Variants in RNF11 observed in about 807,000 individuals in gnomAD.
RNF11 encodes ring finger protein 11.
In RNF11, 4 loss-of-function variants were observed where a neutral mutation model predicts 15.8. The ratio of observed to expected loss-of-function variants is 0.25; its 90% CI spans 0.12 to 0.58. RNF11 has a LOEUF of 0.58. RNF11 is among the 20% of genes least tolerant of loss of function. The pLI is 0.91. For missense variants in RNF11, 139 were observed against 194.4 expected, an observed-to-expected ratio of 0.71 and a Z score of 1.70; for synonymous variants, 68 against 72.3, an observed-to-expected ratio of 0.94 and a Z score of 0.30.
At chr1:51,263,700 G>C (rs1162474806) in intron 1 of RNF11, among the ~76,000 whole-genome samples, 2 of 152,126 alleles carry the variant, frequency 1.3e-5, no homozygotes, top group Non-Finnish European at 2.9e-5. Context: ...CAAATCTATA[G>C]AGACAAAAAG....
chr1:51,257,777 C>T (rs1234007924), intron 1 of RNF11, among the ~76,000 whole-genome samples: 2 of 150,406 alleles, frequency 1.3e-5, no homozygotes, highest in African/African-American at 4.9e-5. Flanking sequence ...TAATAATAGC[C>T]ATTCTGACTG....
chr1:51,271,323 G>A lies in RNF11; in HGVS notation c.*1G>A, dbSNP rs1157833864. On this transcript the variant is annotated 3_prime_UTR_variant, in exon 3 of 3. Coordinates refer to ENST00000242719, the MANE Select transcript of RNF11 (RefSeq NM_014372.5). ...GCTTTCATCCTATGAGACTAATTGA[G>A]CCAGGGTCTCTTATCTGACTTCAAG... The A allele has an allele frequency of 1.2e-6, 2 of 1,608,074 alleles. No homozygotes were observed. Among genetic ancestry groups the A allele is most frequent in the East Asian group, 2.2e-5 (1 of 44,854 alleles).
At chr1:51,245,642 G>T (rs1646848337) in intron 1 of RNF11, among the ~76,000 whole-genome samples, 1 of 151,936 alleles carries the variant, frequency 6.6e-6, no homozygotes, top group Admixed American at 6.6e-5. Context: ...TAGTAGAGAT[G>T]GGGTTTCACC....
At position 51,271,445 on chromosome 1, in the gene RNF11, C is replaced by G; in HGVS notation, c.*123C>G. 1.4e-6 allele frequency: 1 copy of G among 722,250 alleles called. No homozygotes were observed. Among genetic ancestry groups the G allele is most frequent in the East Asian group, 2.7e-5 (1 of 36,716 alleles). The allele number at this position is 722,250 out of a possible 1,614,324, so 44.7% of individuals were successfully genotyped here. On this transcript the variant is annotated 3_prime_UTR_variant, in exon 3 of 3. Coordinates refer to ENST00000242719, the MANE Select transcript of RNF11 (RefSeq NM_014372.5). The stretch of plus-strand genomic sequence containing the variant: ...GTGCACAAAAGTTTCCTTAAAATTC[C>G]TGGATGGCTGCAGATGTTGGGGGAA...
intron 1 of RNF11, among the ~76,000 whole-genome samples, chr1:51,262,526 A>C (rs781722190): frequency 3.9e-5 from 6 of 152,064 alleles, no homozygotes; most frequent in Non-Finnish European, 7.4e-5. Flanking sequence ...CATAGGATGC[A>C]AGAAAATATT....
chr1:51,241,025 C>T (rs1168562319), intron 1 of RNF11, among the ~76,000 whole-genome samples: 1 of 152,172 alleles, frequency 6.6e-6, no homozygotes, highest in East Asian at 1.9e-4. Flanking sequence ...CCATGTTGAC[C>T]AGGCTGGTCT....
intron 1 of RNF11, among the ~76,000 whole-genome samples, chr1:51,258,369 A>C (rs1646914963): frequency 6.6e-6 from 1 of 152,212 alleles, no homozygotes; most frequent in Non-Finnish European, 1.5e-5. Context: ...GGAGAAATGC[A>C]TTTAAACAAT....
In RNF11 at chr1:51,271,367, G is replaced by T. The variant is rs751206505; in HGVS notation, c.*45G>T. On this transcript the variant is annotated 3_prime_UTR_variant, in exon 3 of 3. Transcript: ENST00000242719. ...CTTCAAGTGAACCACCATTTTGGTG[G>T]TTTTGATCTTTTGTCACTGAGCCCA... The T allele has an allele frequency of 6.6e-7, 1 of 1,515,954 alleles. No individual in the cohort carries two copies. The highest frequency in any genetic ancestry group is 9.0e-7 in the Non-Finnish European group (1 of 1,112,724). 93.9% of individuals were successfully genotyped at this position (1,515,954 alleles called of 1,614,324 possible). A position where few individuals can be genotyped will look rare whatever the true frequency, so the allele number is the denominator to read the frequency against.
At chr1:51,236,936 G>T in intron 1 of RNF11, 57 bp downstream of exon 1, 4 of 1,547,360 alleles carry the variant, frequency 2.6e-6, no homozygotes, top group Non-Finnish European at 3.5e-6. Context: ...CGGAGATTGA[G>T]GGGGCTTCGG....
At chr1:51,257,171 G>T (rs948035086) in intron 1 of RNF11, among the ~76,000 whole-genome samples, 1 of 152,158 alleles carries the variant, frequency 6.6e-6, no homozygotes, top group Non-Finnish European at 1.5e-5. Context: ...ATGGCTGGAG[G>T]GGCTGGAGTT....
intron 1 of RNF11, among the ~76,000 whole-genome samples, chr1:51,254,682 C>G (rs547892084): frequency 2.6e-5 from 4 of 152,118 alleles, no homozygotes; most frequent in Admixed American, 6.6e-5. Flanking sequence ...AGGCAGGTCT[C>G]GAACTCCCAG....
chr1:51,244,710 C>T (rs1646844501), intron 1 of RNF11, among the ~76,000 whole-genome samples: 1 of 152,166 alleles, frequency 6.6e-6, no homozygotes, highest in African/African-American at 2.4e-5. Context: ...TTCAGCTTGC[C>T]TAGGTGACTT....
chr1:51,255,279 G>A (rs756697332), intron 1 of RNF11, among the ~76,000 whole-genome samples: 2 of 151,904 alleles, frequency 1.3e-5, no homozygotes, highest in African/African-American at 2.4e-5. Flanking sequence ...TTTCTTTTTA[G>A]TGACAGGGTC....
In RNF11 at chr1:51,236,714, G is replaced by C; in HGVS notation, c.-43G>C. On this transcript the variant is annotated 5_prime_UTR_variant, in exon 1 of 3. Coordinates refer to ENST00000242719, the MANE Select transcript of RNF11 (RefSeq NM_014372.5). The stretch of plus-strand genomic sequence containing the variant: ...CGCGGAGTGTGCGAACGACCCCACC[G>C]CTGCTTTCTCCTCCCCCAGATCACG... The C allele has an allele frequency of 6.2e-7, 1 of 1,605,240 alleles. No individual in the cohort carries two copies.
chr1:51,237,105 T>C (rs572421080), intron 1 of RNF11, among the ~76,000 whole-genome samples: 2 of 152,252 alleles, frequency 1.3e-5, no homozygotes, highest in East Asian at 1.9e-4. Context: ...CCTTGAGTTC[T>C]GGGATCAGAG....
At chr1:51,267,972 A>T (rs1339421643) in intron 1 of RNF11, among the ~76,000 whole-genome samples, 2 of 152,130 alleles carry the variant, frequency 1.3e-5, no homozygotes, top group African/African-American at 4.8e-5. Flanking sequence ...CTCAGGTGAT[A>T]CGCCTGCCTC....
intron 1 of RNF11, 120 bp downstream of exon 1, chr1:51,236,999 C>G (rs1264232484): frequency 2.3e-6 from 3 of 1,318,104 alleles, no homozygotes; most frequent in Non-Finnish European, 3.0e-6. Flanking sequence ...GCATTGACCC[C>G]TTAGGGCTGG....
intron 1 of RNF11, among the ~76,000 whole-genome samples, chr1:51,263,451 TTG>T (rs111790951): frequency 0.041 from 6,215 of 151,504 alleles, 187 homozygotes; most frequent in Non-Finnish European, 0.061. Context: ...CTTCACAGGG[TTG>T]TGTGTGTGTG....
chr1:51,261,680 T>C (rs1338622305), intron 1 of RNF11, among the ~76,000 whole-genome samples: 1 of 148,686 alleles, frequency 6.7e-6, no homozygotes, highest in Non-Finnish European at 1.5e-5. Context: ...GCCCTGTCTG[T>C]GATAAGATTT....
Sources: gnomAD v4.1 joint callset for allele counts (sites outside exome capture counted in the v4.1 genomes callset) on GRCh38, gnomAD v4.1.1 for gene constraint, MANE v1.5 for transcripts, NCBI Gene and HGNC (gene_info 2026-07-23, HGNC 2026-07-21) for gene names.